RAD50: variants seen among roughly 807,000 people sequenced by gnomAD.
RAD50 encodes RAD50 double strand break repair protein, also known as DNA repair protein RAD50.
In RAD50, 132 loss-of-function variants were observed where a neutral mutation model predicts 168.8. The observed-to-expected ratio is 0.78, with a 90% confidence interval of 0.68 to 0.90. RAD50 has a LOEUF of 0.90. Among genes scored for constraint, RAD50 ranks in the 40% least tolerant of loss-of-function variants. The pLI is 0.00. For missense variants in RAD50, 1,347 were observed against 1,534.4 expected, an observed-to-expected ratio of 0.88 and a Z score of 2.04; for synonymous variants, 525 against 497.4, an observed-to-expected ratio of 1.06 and a Z score of -0.74.
At chr5:132,567,533 T>C (rs951872570) in intron 2 of RAD50, among the ~76,000 whole-genome samples, 1 of 152,206 alleles carries the variant, frequency 6.6e-6, no homozygotes, top group African/African-American at 2.4e-5. Flanking sequence ...AGCAGAGTAC[T>C]GAAGTAGGGT....
chr5:132,626,303 C>A (rs61028222), intron 21 of RAD50, among the ~76,000 whole-genome samples: 26 of 152,090 alleles, frequency 1.7e-4, no homozygotes, highest in Admixed American at 4.6e-4. Flanking sequence ...ATTTCCTTTG[C>A]GTAAATATCC....
intron 17 of RAD50, 40 bp downstream of exon 17, chr5:132,608,765 ATTAAACT>A (rs1581004376): frequency 3.9e-6 from 6 of 1,546,378 alleles, no homozygotes; most frequent in Non-Finnish European, 3.5e-6. Context: ...AAATATCTGT[ATTAAACT>A]TATGTTCATA....
chr5:132,591,490 T>C (rs1279983941), intron 10 of RAD50, 84 bp downstream of exon 10: 1 of 1,343,884 alleles, frequency 7.4e-7, no homozygotes, highest in African/African-American at 1.5e-5. Flanking sequence ...GACTATAAGG[T>C]ATTAAGTTGG....
intron 2 of RAD50, among the ~76,000 whole-genome samples, chr5:132,571,471 A>C (rs752696286): frequency 1.3e-5 from 2 of 152,232 alleles, no homozygotes; most frequent in Non-Finnish European, 2.9e-5. Flanking sequence ...ATTGTAAAGA[A>C]AAATTTTTTG....
chr5:132,631,964 C>T (rs973991152), intron 21 of RAD50, among the ~76,000 whole-genome samples: 1 of 152,198 alleles, frequency 6.6e-6, no homozygotes, highest in Non-Finnish European at 1.5e-5. Flanking sequence ...GTCCTTCCTA[C>T]CCCCACCTCC....
At chr5:132,630,340 C>T (rs1485914345) in intron 21 of RAD50, among the ~76,000 whole-genome samples, 2 of 152,186 alleles carry the variant, frequency 1.3e-5, no homozygotes, top group African/African-American at 4.8e-5. Context: ...CGCACCTGGC[C>T]AGGTCATGCT....
At chr5:132,582,131 T>C (rs1341361922) in intron 5 of RAD50, among the ~76,000 whole-genome samples, 1 of 152,202 alleles carries the variant, frequency 6.6e-6, no homozygotes, top group Non-Finnish European at 1.5e-5. Context: ...CTTTGAACAC[T>C]GTCAAGGAAA....
chr5:132,580,647 CAA>C (rs1428367726), intron 5 of RAD50, among the ~76,000 whole-genome samples: 2 of 152,072 alleles, frequency 1.3e-5, no homozygotes, highest in African/African-American at 4.8e-5. Flanking sequence ...CATATATTTG[CAA>C]ATGAGTATAC....
rs1554099390 is a variant in RAD50 at position 132,609,299 on chromosome 5, TTAA to T, written c.2943_2945del (p.Asn981del). The T allele has an allele frequency of 3.1e-6, 5 of 1,612,298 alleles. No homozygotes were observed. The highest frequency in any genetic ancestry group is 4.2e-6 in the Non-Finnish European group (5 of 1,179,552). Reference sequence around the variant, plus strand: ...TTTTTGTAGCAAAAAGAAACTGAACTTAATAAAGTAATAGCTCAACTAAGTGAA... The same window carrying T: ...TTTTTGTAGCAAAAAGAAACTGAACTTAAAGTAATAGCTCAACTAAGTGAA... On this transcript the variant is annotated inframe_deletion, in exon 19 of 25. Transcript: ENST00000378823.
At chr5:132,598,485 A>G (rs1410761883) in intron 13 of RAD50, among the ~76,000 whole-genome samples, 16 of 152,216 alleles carry the variant, frequency 1.1e-4, no homozygotes, top group Admixed American at 1.0e-3. Flanking sequence ...ATTGCTATGT[A>G]ACAAACCTCA....
chr5:132,597,416 A>G (rs555761876), intron 13 of RAD50, among the ~76,000 whole-genome samples: 33 of 152,162 alleles, frequency 2.2e-4, no homozygotes, highest in Non-Finnish European at 3.8e-4. Flanking sequence ...TTAAGGTACT[A>G]TGGCTTCTTC....
At chr5:132,563,704 G>A (rs1005342217) in intron 2 of RAD50, among the ~76,000 whole-genome samples, 1 of 152,136 alleles carries the variant, frequency 6.6e-6, no homozygotes, top group Non-Finnish European at 1.5e-5. Context: ...ATACTATGAA[G>A]GTAATGAGAA....
chr5:132,617,988 T>C (rs949894498), intron 20 of RAD50, 82 bp from the exon 21 acceptor site: 11 of 1,110,282 alleles, frequency 9.9e-6, no homozygotes, highest in African/African-American at 4.6e-5. Context: ...ACTTAACCTA[T>C]CTAAAGAAAT....
Position 132,560,077 on chromosome 5 carries a change from C to CACAT in RAD50, c.213+711_213+712insCATA, listed in dbSNP as rs760237977. ...ACACACACACACACACACACACACA[C>CACAT]ATATATATATAGTTTATTCGTTTTT... On this transcript the variant is annotated intron_variant, in intron 2 of 24. Coordinates refer to ENST00000378823, the MANE Select transcript of RAD50 (RefSeq NM_005732.4). Among the ~76,000 whole-genome samples, 202 of 139,466 alleles carry CACAT rather than the reference C, an allele frequency of 1.4e-3. 1 individual carries two copies. The highest frequency in any genetic ancestry group is 5.3e-3 in the African/African-American group (166 of 31,094). 91.5% of individuals were successfully genotyped at this position (139,466 alleles called of 152,430 possible). A position where few individuals can be genotyped will look rare whatever the true frequency, so the allele number is the denominator to read the frequency against.
chr5:132,631,355 A>C (rs1751462313), intron 21 of RAD50, among the ~76,000 whole-genome samples: 2 of 152,104 alleles, frequency 1.3e-5, no homozygotes, highest in South Asian at 4.1e-4. Context: ...TCTGACCTCA[A>C]GTGATTTACC....
chr5:132,637,148 A>G lies in RAD50; in HGVS notation c.3423A>G (p.Glu1141=). 6.2e-7 allele frequency: 1 copy of G among 1,611,798 alleles called. No homozygotes were observed. Among genetic ancestry groups the G allele is most frequent in the South Asian group, 1.1e-5 (1 of 90,982 alleles). Residue 1141 remains glutamate, a synonymous_variant, in exon 22 of 25, where the codon GAA becomes GAG. Coordinates refer to ENST00000378823, the MANE Select transcript of RAD50 (RefSeq NM_005732.4). ...TGAAATTTCACAGTATGAAAATGGA[A>G]GAAATCAATAAAATTATACGTGACC... ...AIMKFHSMKM[E]EINKIIRDLW... is the part of the protein sequence containing the mutation.
chr5:132,642,436 T>TATCA lies in RAD50; in HGVS notation c.*74_*77dup. 7.5e-7 allele frequency: 1 copy of TATCA among 1,333,752 alleles called. No homozygotes were observed. Among genetic ancestry groups the TATCA allele is most frequent in the Non-Finnish European group, 1.1e-6 (1 of 945,076 alleles). The allele number at this position is 1,333,752 out of a possible 1,614,324, so 82.6% of individuals were successfully genotyped here. A position where few individuals can be genotyped will look rare whatever the true frequency, so the allele number is the denominator to read the frequency against. The stretch of plus-strand genomic sequence containing the variant: ...TGTATAATAAGAAACTTATTTCTCA[T>TATCA]ATCAACTTAGTCAATAAGAAAATAT... On this transcript the variant is annotated 3_prime_UTR_variant, in exon 25 of 25. Coordinates refer to ENST00000378823, the MANE Select transcript of RAD50 (RefSeq NM_005732.4).
chr5:132,589,897 G>A, intron 9 of RAD50, 60 bp downstream of exon 9: 4 of 1,425,348 alleles, frequency 2.8e-6, no homozygotes, highest in Non-Finnish European at 3.9e-6. Flanking sequence ...GAAGTATTTT[G>A]TCTATTTTTG....
At chr5:132,587,516 G>A (rs1750613200) in intron 5 of RAD50, 46 bp from the exon 6 acceptor site, 2 of 1,602,978 alleles carry the variant, frequency 1.2e-6, no homozygotes, top group Non-Finnish European at 1.7e-6. Context: ...TATCAGCCAT[G>A]TAAGCTATAG....
Sources: allele counts gnomAD v4.1 joint callset (sites outside exome capture counted in the v4.1 genomes callset), GRCh38; gene constraint gnomAD v4.1.1; transcripts MANE v1.5; gene names NCBI Gene and HGNC (gene_info 2026-07-23, HGNC 2026-07-21).